CNKSR3: variants seen among roughly 807,000 people sequenced by gnomAD.
CNKSR3 encodes the protein connector enhancer of kinase suppressor of ras 3.
In CNKSR3, 36 loss-of-function variants were observed where a neutral mutation model predicts 67.7. The ratio of observed to expected loss-of-function variants is 0.53; its 90% confidence interval spans 0.41 to 0.70. CNKSR3 has a LOEUF of 0.70. Among genes scored for constraint, CNKSR3 ranks in the 30% least tolerant of loss-of-function variants. The pLI is 0.00. For missense variants in CNKSR3, 630 were observed against 695.2 expected (o/e 0.91, Z 1.05); for synonymous variants, 281 against 271.4 (o/e 1.04, Z -0.35).
rs894762672 is a variant in CNKSR3 at position 154,405,417 on chromosome 6, G to A, written c.*937C>T. 1 of 152,552 alleles carries A rather than the reference G, an allele frequency of 6.6e-6. No individual in the cohort carries two copies. The highest frequency in any genetic ancestry group is 1.5e-5 in the Non-Finnish European group (1 of 68,030). 9.4% of individuals were successfully genotyped at this position (152,552 alleles called of 1,614,324 possible). On this transcript the variant is annotated 3_prime_UTR_variant, in exon 13 of 13. Coordinates refer to ENST00000607772, the MANE Select transcript of CNKSR3 (RefSeq NM_173515.4). ...AACAAGAGTTAATATCCAGACACAC[G>A]TTTTCAAAATACCTGATGCTAGTTG...
chr6:154,478,041 T>C (rs1196213248), intron 1 of CNKSR3, among the ~76,000 whole-genome samples: 1 of 152,144 alleles, frequency 6.6e-6, no homozygotes, highest in African/African-American at 2.4e-5. Flanking sequence ...AGGCGGTAAG[T>C]GCTTGGAAGA....
At chr6:154,497,505 C>T (rs1786903747) in intron 1 of CNKSR3, among the ~76,000 whole-genome samples, 1 of 152,194 alleles carries the variant, frequency 6.6e-6, no homozygotes, top group Non-Finnish European at 1.5e-5. Flanking sequence ...ACCTAACTCA[C>T]CTGGCTGTCC....
At chr6:154,474,254 A>C (rs1786393561) in intron 1 of CNKSR3, among the ~76,000 whole-genome samples, 1 of 151,624 alleles carries the variant, frequency 6.6e-6, no homozygotes, top group African/African-American at 2.4e-5. Context: ...CTACTAAAAA[A>C]CATAAAAAAT....
At position 154,411,110 on chromosome 6, in the gene CNKSR3, G is replaced by T; in HGVS notation, c.1103C>A (p.Ser368Tyr). 6.2e-7 allele frequency: 1 copy of T among 1,613,438 alleles called. No individual in the cohort carries two copies. The highest frequency in any genetic ancestry group is 8.5e-7 in the Non-Finnish European group (1 of 1,179,550). ...AGGCAATGGTTGTTTGCACTTACTG[G>T]ACCCTCCATAAACAAAACTGCCATT... ...DENGSFVYGG[S>Y]SKCKQPLPGP... The change falls in exon 11 of 13, where the codon TCC becomes TAC. Residue 368 changes from serine to tyrosine, a missense_variant. Coordinates refer to ENST00000607772, the MANE Select transcript of CNKSR3 (RefSeq NM_173515.4).
At chr6:154,463,839 G>A (rs563583522) in intron 1 of CNKSR3, among the ~76,000 whole-genome samples, 1 of 152,282 alleles carries the variant, frequency 6.6e-6, no homozygotes, top group African/African-American at 2.4e-5. Context: ...GAGCTGGGAA[G>A]GTGACCCTGT....
At chr6:154,452,245 T>A (rs1206304074) in intron 1 of CNKSR3, among the ~76,000 whole-genome samples, 1 of 152,122 alleles carries the variant, frequency 6.6e-6, no homozygotes, top group Non-Finnish European at 1.5e-5. Context: ...ATCAAGGGTC[T>A]GTTGGACACA....
intron 7 of CNKSR3, among the ~76,000 whole-genome samples, chr6:154,424,882 C>T (rs527974652): frequency 6.6e-6 from 1 of 152,322 alleles, no homozygotes; most frequent in East Asian, 1.9e-4. Flanking sequence ...AGCCATTCTC[C>T]TGCCTCAACC....
At chr6:154,509,188 A>G (rs1787161142) in intron 1 of CNKSR3, among the ~76,000 whole-genome samples, 1 of 152,078 alleles carries the variant, frequency 6.6e-6, no homozygotes, top group Admixed American at 6.5e-5. Context: ...TGTTCTCTTG[A>G]AAGTACAGAA....
In CNKSR3 at chr6:154,394,620, A is replaced by G. The variant is rs1240896685; in HGVS notation, c.*11734T>C. On this transcript the variant is annotated 3_prime_UTR_variant, in exon 13 of 13. Transcript: ENST00000607772. ...ATGAGCCTAATACAAGAAGTAAAAA[A>G]AAAAAAAAAAAAAAAGAAGAATTCC... is the stretch of plus-strand genomic sequence containing the variant. The G allele has an allele frequency of 8.2e-6, 1 of 122,064 alleles. No individual in the cohort carries two copies. The highest frequency in any genetic ancestry group is 2.9e-5 in the African/African-American group (1 of 34,800). 7.6% of individuals were successfully genotyped at this position (122,064 alleles called of 1,614,324 possible).
At chr6:154,491,863 A>G (rs1786789930) in intron 1 of CNKSR3, among the ~76,000 whole-genome samples, 1 of 152,224 alleles carries the variant, frequency 6.6e-6, no homozygotes, top group African/African-American at 2.4e-5. Flanking sequence ...TCTAGTTACC[A>G]AACAGCTGAT....
At chr6:154,455,364 C>T (rs774851284) in intron 1 of CNKSR3, among the ~76,000 whole-genome samples, 2 of 152,084 alleles carry the variant, frequency 1.3e-5, no homozygotes, top group African/African-American at 2.4e-5. Flanking sequence ...GTGTGGAGAA[C>T]ATTGCTGGTG....
intron 1 of CNKSR3, among the ~76,000 whole-genome samples, chr6:154,487,747 CGCGCT>C (rs989501684): frequency 2.4e-4 from 36 of 152,334 alleles, no homozygotes; most frequent in African/African-American, 8.4e-4. Flanking sequence ...CCAAAACAGA[CGCGCT>C]GAAGCCAGAG....
intron 1 of CNKSR3, among the ~76,000 whole-genome samples, chr6:154,494,176 G>C (rs538899781): frequency 2.6e-5 from 4 of 152,200 alleles, no homozygotes; most frequent in Non-Finnish European, 5.9e-5. Context: ...GAGGCCTCAG[G>C]AAACTTACAA....
At chr6:154,424,458 A>T (rs915834697) in intron 7 of CNKSR3, among the ~76,000 whole-genome samples, 1 of 152,194 alleles carries the variant, frequency 6.6e-6, no homozygotes, top group Non-Finnish European at 1.5e-5. Context: ...AACTTACATT[A>T]CTGGCTAAAT....
intron 1 of CNKSR3, among the ~76,000 whole-genome samples, chr6:154,507,548 G>C (rs1787125811): frequency 6.6e-6 from 1 of 152,180 alleles, no homozygotes; most frequent in African/African-American, 2.4e-5. Flanking sequence ...CAATACTTGA[G>C]CATCATTATT....
intron 7 of CNKSR3, among the ~76,000 whole-genome samples, chr6:154,425,582 G>A (rs1227314248): frequency 6.6e-6 from 1 of 152,212 alleles, no homozygotes; most frequent in African/African-American, 2.4e-5. Flanking sequence ...CCGGATCTCA[G>A]GGGTGGAGGA....
chr6:154,460,530 C>A (rs1786057280), intron 1 of CNKSR3, among the ~76,000 whole-genome samples: 2 of 152,142 alleles, frequency 1.3e-5, no homozygotes, highest in Non-Finnish European at 2.9e-5. Flanking sequence ...ATGTACTTTC[C>A]AAGGTTGTTT....
At chr6:154,477,961 T>C (rs1381730902) in intron 1 of CNKSR3, among the ~76,000 whole-genome samples, 1 of 152,152 alleles carries the variant, frequency 6.6e-6, no homozygotes, top group Non-Finnish European at 1.5e-5. Context: ...CAGAAGAACG[T>C]CCTGCTCTGC....
At chr6:154,418,926 G>A (rs1320919882) in intron 9 of CNKSR3, among the ~76,000 whole-genome samples, 1 of 138,156 alleles carries the variant, frequency 7.2e-6, no homozygotes, top group Non-Finnish European at 1.5e-5. Flanking sequence ...AATACCCAAA[G>A]TATATAAGGA....
Sources: gnomAD v4.1 joint callset for allele counts (sites outside exome capture counted in the v4.1 genomes callset) on GRCh38, gnomAD v4.1.1 for gene constraint, MANE v1.5 for transcripts, NCBI Gene and HGNC (gene_info 2026-07-23, HGNC 2026-07-21) for gene names.